Variants in EXOC2 observed in about 807,000 individuals in gnomAD.
The protein encoded by EXOC2 is SEC5-like 1.
Under a neutral mutation model 131.8 loss-of-function variants are expected in EXOC2, and 70 were observed. The ratio of observed to expected loss-of-function variants is 0.53; its 90% CI spans 0.44 to 0.65. The LOEUF is 0.65. Ranked by LOEUF, EXOC2 falls within the 30% of genes least tolerant of loss-of-function variation. EXOC2 has a pLI of 0.00. For synonymous variants in EXOC2, 411 were observed against 398.4 expected, an observed-to-expected ratio of 1.03 and a Z score of -0.38; for missense variants, 923 against 1,108.6, an observed-to-expected ratio of 0.83 and a Z score of 2.38.
At position 634,511 on chromosome 6, in the gene EXOC2, C is replaced by T. The variant is rs77155005; in HGVS notation, c.119-1394G>A. On this transcript the variant is annotated intron_variant, in intron 2 of 27. Transcript: ENST00000230449. ...ATATATCACCTAATGCCAAATCTGACTTTAAAATGGAGGCACAAAGTCAAA... is the reference window on the plus strand; with the variant it reads ...ATATATCACCTAATGCCAAATCTGATTTTAAAATGGAGGCACAAAGTCAAA... Among the ~76,000 whole-genome samples the T allele has an allele frequency of 4.9e-3, 748 of 152,266 alleles. 9 individuals are homozygous for T. The highest frequency in any genetic ancestry group is 0.016 in the African/African-American group (671 of 41,546).
At chr6:611,519 C>G (rs1760714380) in intron 6 of EXOC2, among the ~76,000 whole-genome samples, 1 of 152,320 alleles carries the variant, frequency 6.6e-6, no homozygotes, top group Middle Eastern at 3.4e-3. Context: ...TGACCCTGGC[C>G]CCCCGGCTCA....
At chr6:530,245 AT>A (rs1415112857) in intron 23 of EXOC2, among the ~76,000 whole-genome samples, 1 of 152,232 alleles carries the variant, frequency 6.6e-6, no homozygotes, top group Admixed American at 6.5e-5. Context: ...GCAAAAGCAT[AT>A]GGCAAACACT....
rs980976849 is a variant in EXOC2 at position 493,747 on chromosome 6, C to T, written c.2560-2561G>A. 8.5e-5 allele frequency among the ~76,000 whole-genome samples: 13 copies of T among 152,082 alleles called. 2 individuals are homozygous for T. Among genetic ancestry groups the T allele is most frequent in the Middle Eastern group, 6.3e-3 (2 of 316 alleles). On this transcript the variant is annotated intron_variant, in intron 25 of 27. Coordinates refer to ENST00000230449, the MANE Select transcript of EXOC2 (RefSeq NM_018303.6). ...AGTCATTCTCAGTGGGAGAGTGAAG[C>T]GGGAGTTTAGACTCACGACCTTTTT...
chr6:561,226 C>G (rs1267328697), intron 17 of EXOC2, among the ~76,000 whole-genome samples: 5 of 151,992 alleles, frequency 3.3e-5, no homozygotes, highest in Non-Finnish European at 7.4e-5. Context: ...TCAAAAATTC[C>G]CCAGCCCCCA....
At chr6:607,246 C>A (rs1760468834) in intron 7 of EXOC2, among the ~76,000 whole-genome samples, 1 of 152,190 alleles carries the variant, frequency 6.6e-6, no homozygotes, top group African/African-American at 2.4e-5. Flanking sequence ...ACAGCACGGC[C>A]TGCCTGCAGT....
In EXOC2 at chr6:486,710, G is replaced by C. The variant is rs1465409272; in HGVS notation, c.2736C>G (p.Thr912=). ...KFKSSMHLQL[T]CFQAASSTMM... The stretch of plus-strand genomic sequence containing the variant: ...TGGTTGAAGAAGCTGCTTGGAAACA[G>C]GTGAGCTGCAAGTGCATGCTACTCT... The change falls in exon 28 of 28, where the codon ACC becomes ACG. Residue 912 remains threonine, a synonymous_variant. Transcript: ENST00000230449. 3 of 1,614,192 alleles carry C rather than the reference G, an allele frequency of 1.9e-6. No homozygotes were observed. Among genetic ancestry groups the C allele is most frequent in the South Asian group, 2.2e-5 (2 of 91,072 alleles).
At chr6:489,327 A>G (rs1763286928) in intron 26 of EXOC2, among the ~76,000 whole-genome samples, 1 of 152,206 alleles carries the variant, frequency 6.6e-6, no homozygotes, top group South Asian at 2.1e-4. Context: ...GATAGAGGAG[A>G]GCTTAATGTG....
At chr6:590,974 T>G (rs1759509641) in intron 11 of EXOC2, among the ~76,000 whole-genome samples, 2 of 152,254 alleles carry the variant, frequency 1.3e-5, no homozygotes, top group Admixed American at 1.3e-4. Flanking sequence ...TCCCCTATGT[T>G]CCCTAACTCA....
At chr6:591,945 T>C (rs1019857433) in intron 11 of EXOC2, among the ~76,000 whole-genome samples, 1 of 152,230 alleles carries the variant, frequency 6.6e-6, no homozygotes, top group African/African-American at 2.4e-5. Context: ...GAGGCTTCTC[T>C]GAGACATTCC....
chr6:603,952 G>A (rs1394550868), intron 7 of EXOC2, among the ~76,000 whole-genome samples: 1 of 152,178 alleles, frequency 6.6e-6, no homozygotes, highest in Non-Finnish European at 1.5e-5. Flanking sequence ...ATAACGACAG[G>A]AAGCACTGAT....
rs953294630 is a variant in EXOC2, at chr6:537,356, C to T, written c.2239-4746G>A. ...AGCGTACACTCGAGTTGACGGCCGA[C>T]GGAGCGCACACTCGAGTTGATGGCC... is the stretch of plus-strand genomic sequence containing the variant. On this transcript the variant is annotated intron_variant, in intron 22 of 27. Coordinates refer to ENST00000230449, the MANE Select transcript of EXOC2 (RefSeq NM_018303.6). Among the ~76,000 whole-genome samples the T allele has an allele frequency of 8.7e-5, 13 of 149,464 alleles. No homozygotes were observed. The South Asian group carries it at 1.9e-3, about 22-fold the overall frequency.
intron 7 of EXOC2, among the ~76,000 whole-genome samples, chr6:599,570 A>G (rs3844193): frequency 0.68 from 102,996 of 152,010 alleles, 36,028 homozygotes; most frequent in Admixed American, 0.77. Context: ...ATAGGGTAAA[A>G]CACACACATA....
At chr6:628,399 G>A (rs770710622) in intron 4 of EXOC2, among the ~76,000 whole-genome samples, 5 of 152,164 alleles carry the variant, frequency 3.3e-5, no homozygotes, top group South Asian at 2.1e-4. Flanking sequence ...GCTGTTAGAC[G>A]CAGTTCAGGC....
At chr6:502,822 C>T (rs970589550) in intron 23 of EXOC2, among the ~76,000 whole-genome samples, 1 of 152,162 alleles carries the variant, frequency 6.6e-6, no homozygotes, top group African/African-American at 2.4e-5. Context: ...GAAATAATTG[C>T]CTTCTTTCCC....
At chr6:652,469 T>C (rs1279089739) in intron 1 of EXOC2, among the ~76,000 whole-genome samples, 4 of 152,206 alleles carry the variant, frequency 2.6e-5, no homozygotes, top group African/African-American at 7.2e-5. Flanking sequence ...GATAAAAATG[T>C]AGTCATGGGA....
intron 23 of EXOC2, among the ~76,000 whole-genome samples, chr6:516,142 TGA>T (rs1271622295): frequency 2.0e-5 from 3 of 152,208 alleles, no homozygotes; most frequent in Non-Finnish European, 4.4e-5. Context: ...ATCCAAATAC[TGA>T]GACAGTCCTG....
intron 1 of EXOC2, among the ~76,000 whole-genome samples, chr6:675,955 C>T (rs1161822992): frequency 1.1e-4 from 13 of 123,600 alleles, no homozygotes; most frequent in African/African-American, 2.1e-4. Flanking sequence ...ACAGAAAGGA[C>T]AGGTTCCTCT....
At chr6:505,569 G>A (rs896174631) in intron 23 of EXOC2, among the ~76,000 whole-genome samples, 4 of 152,188 alleles carry the variant, frequency 2.6e-5, no homozygotes, top group African/African-American at 4.8e-5. Context: ...GCCAACAAGC[G>A]GGAGGTGTTA....
intron 27 of EXOC2, 54 bp downstream of exon 27, chr6:488,924 CA>C: frequency 6.5e-7 from 1 of 1,537,000 alleles, no homozygotes; most frequent in Non-Finnish European, 8.9e-7. Flanking sequence ...TTTTAGGAAA[CA>C]AAACCTTGTT....
Sources: gnomAD v4.1 joint callset for allele counts (sites outside exome capture counted in the v4.1 genomes callset) on GRCh38, gnomAD v4.1.1 for gene constraint, MANE v1.5 for transcripts, NCBI Gene and HGNC (gene_info 2026-07-23, HGNC 2026-07-21) for gene names.